RWDD3: variants seen among roughly 807,000 people sequenced by gnomAD.
The protein encoded by RWDD3 is RWD domain-containing protein 3.
Under a neutral mutation model 26.5 loss-of-function variants are expected in RWDD3, and 30 were observed. The observed-to-expected ratio is 1.13, with a 90% CI of 0.85 to 1.54. RWDD3 has a LOEUF of 1.54. Among genes scored for constraint, RWDD3 ranks in the 40% most tolerant of loss-of-function variants. The pLI is 0.00. For missense variants in RWDD3, 296 were observed against 309.1 expected (o/e 0.96, Z 0.32); for synonymous variants, 113 against 114.5 (o/e 0.99, Z 0.09).
rs778350657 is a variant in RWDD3 at position 95,244,332 on chromosome 1, G to A, written c.207G>A (p.Ser69=). 2 of 1,614,132 alleles carry A rather than the reference G, an allele frequency of 1.2e-6. No homozygotes were observed. The highest frequency in any genetic ancestry group is 1.6e-4 in the Middle Eastern group (1 of 6,062). ...VNYPSCLPGI[S]INSEQLTRAQ... is the part of the protein sequence containing the mutation. Reference sequence around the variant, plus strand: ...ATCCTTCATGTCTACCTGGTATCTCGATTAACTCTGAACAGTTGACCAGGG... The same window carrying A: ...ATCCTTCATGTCTACCTGGTATCTCAATTAACTCTGAACAGTTGACCAGGG... Residue 69 remains serine (S), a synonymous_variant, in exon 2 of 4, where the codon TCG becomes TCA. Coordinates refer to ENST00000370202, the MANE Select transcript of RWDD3 (RefSeq NM_015485.5).
At chr1:95,241,700 GAC>G (rs1195095392) in intron 1 of RWDD3, among the ~76,000 whole-genome samples, 1 of 152,218 alleles carries the variant, frequency 6.6e-6, no homozygotes, top group Non-Finnish European at 1.5e-5. Context: ...GACGTACACT[GAC>G]ACAGACATTT....
chr1:95,239,629 C>T lies in RWDD3; in HGVS notation c.86-4582C>T, dbSNP rs549704941. On this transcript the variant is annotated intron_variant, in intron 1 of 3. Coordinates refer to ENST00000370202, the MANE Select transcript of RWDD3 (RefSeq NM_015485.5). ...TGTGTGGGTGGGCAGGGGGATTTAC[C>T]AAGACCAATTAGGAAGAATGCTAAT... 3 of 603,654 alleles carry T rather than the reference C, an allele frequency of 5.0e-6. No homozygotes were observed. The East Asian group carries it at 2.2e-4, about 44-fold the overall frequency. 37.4% of individuals were successfully genotyped at this position (603,654 alleles called of 1,614,324 possible).
At position 95,246,611 on chromosome 1, in the gene RWDD3, A is replaced by T; in HGVS notation, c.643A>T (p.Met215Leu). Residue 215 changes from methionine to leucine, a missense_variant, in exon 3 of 4, where the codon ATG (methionine) becomes TTG (leucine). Met to Leu is a conservative substitution (Grantham distance 15, BLOSUM62 2). Transcript: ENST00000370202. ...DSSGKKCKEK[M>L]ISVLFETKVQ... ...AAGTGGAAAGAAATGCAAAGAGAAAATGATTAGTGTACTGTTTGAAACAAA... is the reference window on the plus strand; with the variant it reads ...AAGTGGAAAGAAATGCAAAGAGAAATTGATTAGTGTACTGTTTGAAACAAA... 1.2e-6 allele frequency: 2 copies of T among 1,613,134 alleles called. No individual in the cohort carries two copies.
At chr1:95,241,497 G>T (rs545754649) in intron 1 of RWDD3, among the ~76,000 whole-genome samples, 1 of 152,152 alleles carries the variant, frequency 6.6e-6, no homozygotes, top group Non-Finnish European at 1.5e-5. Flanking sequence ...TTGTCCTGAA[G>T]GAATATGTTA....
intron 1 of RWDD3, 91 bp downstream of exon 1, chr1:95,234,406 C>A (rs1680190916): frequency 1.7e-6 from 2 of 1,176,088 alleles, no homozygotes; most frequent in African/African-American, 1.5e-5. Context: ...CCTGGGCACC[C>A]CGCCTGGGCC....
Position 95,234,245 on chromosome 1 carries a change from G to A in RWDD3, c.15G>A (p.Val5=), listed in dbSNP as rs371542919. The change falls in exon 1 of 4, where the codon GTG becomes GTA. Residue 5 remains valine (V), a synonymous_variant. Transcript: ENST00000370202. ...GGCCCACAGCCATGGCGGAGCCTGTGCAGGAGGAGCTCTCGGTCCTGGCCG... is the reference window on the plus strand; with the variant it reads ...GGCCCACAGCCATGGCGGAGCCTGTACAGGAGGAGCTCTCGGTCCTGGCCG... MAEP[V]QEELSVLAAI... is the part of the protein sequence containing the mutation. The A allele has an allele frequency of 8.2e-6, 13 of 1,593,190 alleles. No individual in the cohort carries two copies. In the Admixed American group the frequency reaches 2.3e-4, roughly 28 times the overall value.
chr1:95,246,828 T>A lies in RWDD3; in HGVS notation c.762T>A (p.Leu254=), dbSNP rs753560482. 1 of 1,558,336 alleles carries A rather than the reference T, an allele frequency of 6.4e-7. No homozygotes were observed. The highest frequency in any genetic ancestry group is 8.6e-7 in the Non-Finnish European group (1 of 1,156,888). The change falls in exon 4 of 4, where the codon CTT becomes CTA. Residue 254 remains leucine, a synonymous_variant. Transcript: ENST00000370202. ...ELQKEFETAG[L]KKLFSEFVLA... is the part of the protein sequence containing the mutation. ...AAAAGGAATTTGAAACTGCAGGACT[T>A]AAGAAGCTTTTCTCCGAATTTGTAC...
Position 95,246,887 on chromosome 1 carries a change from C to A in RWDD3, c.*17C>A. 7.1e-7 allele frequency: 1 copy of A among 1,414,044 alleles called. No individual in the cohort carries two copies. The highest frequency in any genetic ancestry group is 9.5e-7 in the Non-Finnish European group (1 of 1,049,196). 87.6% of individuals were successfully genotyped at this position (1,414,044 alleles called of 1,614,324 possible). On this transcript the variant is annotated 3_prime_UTR_variant, in exon 4 of 4. Transcript: ENST00000370202. ...GTAAAATGAAATGGAAGACAGGAAT[C>A]TTTTAGTAAAATAGCAGTGTTTTTT... is the stretch of plus-strand genomic sequence containing the variant.
intron 1 of RWDD3, among the ~76,000 whole-genome samples, chr1:95,240,416 A>G (rs3767315): frequency 0.82 from 125,085 of 152,164 alleles, 51,871 homozygotes; most frequent in South Asian, 0.94. Flanking sequence ...ATAATTCTGG[A>G]CATGAAAATA....
At chr1:95,246,068 C>T (rs960822962) in intron 2 of RWDD3, 1 of 152,314 alleles carries the variant, frequency 6.6e-6, no homozygotes, top group Non-Finnish European at 1.5e-5. Flanking sequence ...ATGGTAAGTG[C>T]TGTGTGCCTG....
chr1:95,244,470 C>T lies in RWDD3; in HGVS notation c.345C>T (p.Leu115=), dbSNP rs1184057190. Residue 115 remains leucine (L), a synonymous_variant, in exon 2 of 4, where the codon CTC becomes CTT. Coordinates refer to ENST00000370202, the MANE Select transcript of RWDD3 (RefSeq NM_015485.5). ...LWIQQNLRHI[L]SQPETGSGSE... ...TTCAGCAGAATCTCAGGCATATCCT[C>T]AGCCAACCAGAAACTGGCAGTGGCA... 5 of 1,614,066 alleles carry T rather than the reference C, an allele frequency of 3.1e-6. No homozygotes were observed. The African/African-American group carries it at 4.0e-5, about 13-fold the overall frequency.
At chr1:95,238,585 A>C (rs1680467559) in intron 1 of RWDD3, among the ~76,000 whole-genome samples, 1 of 146,366 alleles carries the variant, frequency 6.8e-6, no homozygotes, top group African/African-American at 2.5e-5. Flanking sequence ...GGTTTTCTTC[A>C]AAGTTGTATC....
chr1:95,240,483 T>G (rs185305996), intron 1 of RWDD3, among the ~76,000 whole-genome samples: 59 of 152,314 alleles, frequency 3.9e-4, no homozygotes, highest in South Asian at 8.3e-4. Context: ...AGGGAGGAAC[T>G]GTGGAACTGG....
intron 1 of RWDD3, among the ~76,000 whole-genome samples, chr1:95,239,517 A>G (rs1246800240): frequency 6.6e-6 from 1 of 152,192 alleles, no homozygotes; most frequent in African/African-American, 2.4e-5. Context: ...TAAATACCAG[A>G]AGAATGGAGT....
At chr1:95,234,422 A>G (rs147737137) in intron 1 of RWDD3, 107 bp downstream of exon 1, 17,866 of 1,004,562 alleles carry the variant, frequency 0.018, 273 homozygotes, top group South Asian at 0.053. Context: ...GGGCCCACGT[A>G]TGGGGACCGG....
chr1:95,243,182 A>G (rs1680706356), intron 1 of RWDD3: 1 of 152,232 alleles, frequency 6.6e-6, no homozygotes, highest in Non-Finnish European at 1.5e-5. Context: ...TGTATGAATC[A>G]ATATCTGTAG....
chr1:95,238,943 T>A (rs1680488133), intron 1 of RWDD3, among the ~76,000 whole-genome samples: 1 of 152,222 alleles, frequency 6.6e-6, no homozygotes, highest in South Asian at 2.1e-4. Flanking sequence ...CTGTTTCAGT[T>A]TGTGTTTTAG....
chr1:95,239,767 T>G, intron 1 of RWDD3: 1 of 1,270,952 alleles, frequency 7.9e-7, no homozygotes, highest in Non-Finnish European at 1.0e-6. Flanking sequence ...CTATTCTGTT[T>G]GCTGACTAGG....
At chr1:95,240,387 T>C (rs1476817702) in intron 1 of RWDD3, among the ~76,000 whole-genome samples, 1 of 152,214 alleles carries the variant, frequency 6.6e-6, no homozygotes, top group Non-Finnish European at 1.5e-5. Flanking sequence ...GGAAAAAATG[T>C]TAATTTAGTT....
Sources: gnomAD v4.1 joint callset for allele counts (sites outside exome capture counted in the v4.1 genomes callset) on GRCh38, gnomAD v4.1.1 for gene constraint, MANE v1.5 for transcripts, NCBI Gene and HGNC (gene_info 2026-07-23, HGNC 2026-07-21) for gene names.